The following CDH20 variants were observed in gnomAD, a reference collection of about 807,000 sequenced individuals.
The protein encoded by CDH20 is cadherin 20.
Under a neutral mutation model 74.2 loss-of-function variants are expected in CDH20, and 29 were observed. That is an observed-to-expected ratio of 0.39 (90% CI 0.29 to 0.53). The LOEUF is 0.53. Ranked by LOEUF, CDH20 falls within the 20% of genes least tolerant of loss-of-function variation. The pLI is 0.69. For synonymous variants in CDH20, 469 were observed against 405.4 expected (o/e 1.16, Z -1.88); for missense variants, 988 against 1,048.3 (o/e 0.94, Z 0.79).
At chr18:61,475,191 G>T (rs1445524214) in intron 1 of CDH20, among the ~76,000 whole-genome samples, 1 of 152,180 alleles carries the variant, frequency 6.6e-6, no homozygotes, top group African/African-American at 2.4e-5. Flanking sequence ...TATGGCAATG[G>T]CAGAAGGAAT....
chr18:61,383,294 A>G (rs557512373), intron 1 of CDH20, among the ~76,000 whole-genome samples: 22 of 152,246 alleles, frequency 1.4e-4, no homozygotes, highest in Admixed American at 5.2e-4. Flanking sequence ...AAAATGTTAC[A>G]TTCTGGCCAG....
chr18:61,395,728 C>G (rs1463823018), intron 1 of CDH20, among the ~76,000 whole-genome samples: 1 of 152,146 alleles, frequency 6.6e-6, no homozygotes, highest in Non-Finnish European at 1.5e-5. Flanking sequence ...TTCAAATACT[C>G]TCAATATAAA....
intron 1 of CDH20, among the ~76,000 whole-genome samples, chr18:61,393,294 C>G (rs944466734): frequency 6.6e-6 from 1 of 152,112 alleles, no homozygotes; most frequent in Non-Finnish European, 1.5e-5. Context: ...TCCAGCCATA[C>G]CCACCTAGGA....
intron 8 of CDH20, among the ~76,000 whole-genome samples, chr18:61,538,625 GTTTTT>G (rs1415668565): frequency 5.6e-5 from 3 of 53,778 alleles, no homozygotes; most frequent in African/African-American, 1.6e-4. Context: ...TTTTTGTTTT[GTTTTT>G]TTTTTTGAGA....
At chr18:61,386,901 T>A (rs758248584) in intron 1 of CDH20, among the ~76,000 whole-genome samples, 7 of 152,148 alleles carry the variant, frequency 4.6e-5, no homozygotes, top group Non-Finnish European at 1.5e-5. Context: ...ATGTTGTGAG[T>A]CAATATTTCT....
In CDH20 at chr18:61,363,950, G is replaced by A. The variant is rs533137656; in HGVS notation, c.-153+30123G>A. On this transcript the variant is annotated intron_variant, in intron 1 of 11. Coordinates refer to ENST00000262717, the MANE Select transcript of CDH20 (RefSeq NM_031891.4). ...AGAGAGAATGAAAAGAAGAAAGAAA[G>A]GGAAGCACTAGTCAAGCTCATCTGA... Among the ~76,000 whole-genome samples the A allele has an allele frequency of 1.1e-4, 16 of 152,282 alleles. 2 individuals carry two copies. The South Asian group carries it at 3.3e-3, about 32-fold the overall frequency.
chr18:61,401,442 T>C (rs1373891481), intron 1 of CDH20, among the ~76,000 whole-genome samples: 1 of 152,210 alleles, frequency 6.6e-6, no homozygotes, highest in Non-Finnish European at 1.5e-5. Flanking sequence ...CAGGTGTGTG[T>C]GTGTGTGTGT....
intron 6 of CDH20, among the ~76,000 whole-genome samples, chr18:61,512,368 A>G (rs1043214494): frequency 6.6e-6 from 1 of 152,214 alleles, no homozygotes; most frequent in African/African-American, 2.4e-5. Context: ...TTTAGAGTCC[A>G]TTCTCTTCTT....
At chr18:61,503,896 G>T (rs1400910406) in intron 5 of CDH20, among the ~76,000 whole-genome samples, 2 of 152,094 alleles carry the variant, frequency 1.3e-5, no homozygotes, top group African/African-American at 4.8e-5. Context: ...TTCCAGAAGG[G>T]GAAGTCATTC....
At chr18:61,490,354 C>T in intron 1 of CDH20, 48 bp from the exon 2 acceptor site, 1 of 540,326 alleles carries the variant, frequency 1.9e-6, no homozygotes, top group Non-Finnish European at 3.3e-6. Flanking sequence ...AACCCGCCTG[C>T]AGGAAAGAAT....
chr18:61,358,290 T>C lies in CDH20; in HGVS notation c.-153+24463T>C, dbSNP rs907107076. 2.1e-5 allele frequency among the ~76,000 whole-genome samples: 3 copies of C among 143,880 alleles called. No homozygotes were observed. In the Admixed American group the frequency reaches 2.1e-4, roughly 10 times the overall value. 94.4% of individuals were successfully genotyped at this position (143,880 alleles called of 152,430 possible). On this transcript the variant is annotated intron_variant, in intron 1 of 11. Transcript: ENST00000262717. ...CCACCACACCCAGCTAATTTTTGTA[T>C]TTTTTTTTTTTAGTAGAGACGGTGT...
At position 61,538,612 on chromosome 18, in the gene CDH20, T is replaced by TC. The variant is rs1568182151; in HGVS notation, c.1409-412_1409-411insC. Among the ~76,000 whole-genome samples, 3 of 44,332 alleles carry TC rather than the reference T, an allele frequency of 6.8e-5. 1 individual carries two copies. Among genetic ancestry groups the TC allele is most frequent in the African/African-American group, 2.2e-4 (3 of 13,884 alleles). The allele number at this position is 44,332 out of a possible 152,430, so 29.1% of individuals were successfully genotyped here. A position where few individuals can be genotyped will look rare whatever the true frequency, so the allele number is the denominator to read the frequency against. On this transcript the variant is annotated intron_variant, in intron 8 of 11. Transcript: ENST00000262717. ...TGTTTGTTTGTTTTTGTTTTTGTTT[T>TC]TGTTTTTGTTTTGTTTTTTTTTTTG...
At chr18:61,451,557 A>G (rs1005536792) in intron 1 of CDH20, among the ~76,000 whole-genome samples, 4 of 152,106 alleles carry the variant, frequency 2.6e-5, no homozygotes, top group Non-Finnish European at 4.4e-5. Context: ...GCTAGAAATC[A>G]GGGCCTGATT....
chr18:61,338,300 T>C (rs1160421767), intron 1 of CDH20, among the ~76,000 whole-genome samples: 1 of 152,064 alleles, frequency 6.6e-6, no homozygotes, highest in Non-Finnish European at 1.5e-5. Context: ...GAGAATTTTA[T>C]TCTTTTTTTT....
At chr18:61,481,809 C>G (rs1910599387) in intron 1 of CDH20, among the ~76,000 whole-genome samples, 1 of 152,102 alleles carries the variant, frequency 6.6e-6, no homozygotes, top group Non-Finnish European at 1.5e-5. Flanking sequence ...CCCAGCCTTC[C>G]AAAGTGCTAG....
At chr18:61,400,573 T>G (rs755389863) in intron 1 of CDH20, among the ~76,000 whole-genome samples, 2 of 152,120 alleles carry the variant, frequency 1.3e-5, no homozygotes, top group Non-Finnish European at 2.9e-5. Context: ...TTTCTGTAGT[T>G]GAAAAAGAGA....
chr18:61,487,797 G>A (rs543310228), intron 1 of CDH20, among the ~76,000 whole-genome samples: 1 of 152,240 alleles, frequency 6.6e-6, no homozygotes, highest in South Asian at 2.1e-4. Flanking sequence ...CTCAGGTAGG[G>A]GGATAGGGGG....
intron 1 of CDH20, among the ~76,000 whole-genome samples, chr18:61,350,029 C>T (rs1402622526): frequency 6.6e-6 from 1 of 152,048 alleles, no homozygotes; most frequent in Non-Finnish European, 1.5e-5. Flanking sequence ...AGTGACTTTC[C>T]TAGCAGTCAC....
intron 1 of CDH20, among the ~76,000 whole-genome samples, chr18:61,485,131 C>T (rs1026397963): frequency 1.3e-5 from 2 of 152,100 alleles, no homozygotes; most frequent in African/African-American, 4.8e-5. Context: ...TGGTGACCAC[C>T]TTTTCCAAGA....
Sources: allele counts gnomAD v4.1 joint callset (sites outside exome capture counted in the v4.1 genomes callset), GRCh38; gene constraint gnomAD v4.1.1; transcripts MANE v1.5; gene names NCBI Gene and HGNC (gene_info 2026-07-23, HGNC 2026-07-21).